PLCL2: variants seen among roughly 807,000 people sequenced by gnomAD.
PLCL2 encodes the protein phospholipase C like 2, also known as inactive phospholipase C-like protein 2.
In PLCL2, 4 loss-of-function variants were observed where a neutral mutation model predicts 79.6. The observed-to-expected ratio is 0.05, with a 90% CI of 0.02 to 0.11. PLCL2 has a LOEUF of 0.11. Among genes scored for constraint, PLCL2 ranks in the 10% least tolerant of loss-of-function variants. PLCL2 has a pLI of 1.00. For synonymous variants in PLCL2, 484 were observed against 457.7 expected (o/e 1.06, Z -0.73); for missense variants, 895 against 1,291.0 (o/e 0.69, Z 4.70).
chr3:17,070,273 AG>A (rs1307562543), intron 5 of PLCL2, among the ~76,000 whole-genome samples: 1 of 152,218 alleles, frequency 6.6e-6, no homozygotes, highest in African/African-American at 2.4e-5. Flanking sequence ...AAGTTTGAGA[AG>A]CACTGGGCTG....
chr3:17,026,173 A>G (rs2064515306), intron 3 of PLCL2, among the ~76,000 whole-genome samples: 1 of 152,332 alleles, frequency 6.6e-6, no homozygotes, highest in Non-Finnish European at 1.5e-5. Context: ...ATAGCATTTA[A>G]TAATGGTTTT....
At chr3:16,905,165 A>G (rs1183149660) in intron 1 of PLCL2, among the ~76,000 whole-genome samples, 1 of 152,206 alleles carries the variant, frequency 6.6e-6, no homozygotes, top group Non-Finnish European at 1.5e-5. Context: ...CACAGACAGC[A>G]TCAGTGGTGC....
chr3:16,917,052 G>T (rs1001353288), intron 1 of PLCL2, among the ~76,000 whole-genome samples: 2 of 152,136 alleles, frequency 1.3e-5, no homozygotes, highest in African/African-American at 4.8e-5. Context: ...TGCTATAAAA[G>T]GCTCTTCCTT....
chr3:16,967,605 A>C (rs1256353195), intron 1 of PLCL2, among the ~76,000 whole-genome samples: 4 of 151,502 alleles, frequency 2.6e-5, no homozygotes, highest in African/African-American at 9.7e-5. Context: ...CCTACTTTTT[A>C]ATGGGGTTTT....
rs1456187539 is a variant in PLCL2, at chr3:17,009,391, A to C, written c.328-283A>C. Among the ~76,000 whole-genome samples, 2 of 152,034 alleles carry C rather than the reference A, an allele frequency of 1.3e-5. No individual in the cohort carries two copies. On this transcript the variant is annotated intron_variant, in intron 1 of 5. Transcript: ENST00000615277. This position sits in a 1 kb window ranked among gnomAD's most constrained non-coding sequence, Gnocchi z 4.0. ...CCTGCCTTAGCCTCCCAAAGTGCTG[A>C]GTTTATAGGTGTGAACCTCCGTCCC...
chr3:16,960,537 C>T (rs2063745340), intron 1 of PLCL2, among the ~76,000 whole-genome samples: 1 of 151,916 alleles, frequency 6.6e-6, no homozygotes. Context: ...CACCACTTGA[C>T]GTTTGGTAAG....
chr3:16,931,774 T>C (rs1289036666), intron 1 of PLCL2, among the ~76,000 whole-genome samples: 2 of 152,176 alleles, frequency 1.3e-5, no homozygotes. Flanking sequence ...CTTGATGAGA[T>C]GTTGGATATG....
intron 1 of PLCL2, among the ~76,000 whole-genome samples, chr3:16,910,590 C>T (rs1371591925): frequency 6.6e-6 from 1 of 152,068 alleles, no homozygotes; most frequent in East Asian, 1.9e-4. Context: ...TTCACACTAT[C>T]CTGATATTCT....
At chr3:16,938,395 A>T (rs77211835) in intron 1 of PLCL2, among the ~76,000 whole-genome samples, 3,183 of 152,332 alleles carry the variant, frequency 0.021, 55 homozygotes, top group South Asian at 0.043. Context: ...GTTCGGAAAG[A>T]AATACAAGAA....
At chr3:16,932,000 T>C (rs544054131) in intron 1 of PLCL2, among the ~76,000 whole-genome samples, 1 of 152,184 alleles carries the variant, frequency 6.6e-6, no homozygotes, top group Non-Finnish European at 1.5e-5. Flanking sequence ...CATGTGAAGA[T>C]ATAAGGAAAA....
chr3:16,985,044 C>G (rs9985439), intron 1 of PLCL2, among the ~76,000 whole-genome samples: 1 of 152,076 alleles, frequency 6.6e-6, no homozygotes, highest in Non-Finnish European at 1.5e-5. Context: ...AAGTTTCATT[C>G]CCTGATTTCT....
intron 4 of PLCL2, among the ~76,000 whole-genome samples, chr3:17,052,343 T>G (rs993485681): frequency 3.3e-5 from 5 of 151,518 alleles, no homozygotes; most frequent in African/African-American, 1.2e-4. Context: ...AGAAGATAAC[T>G]TGACGGAGAT....
chr3:16,979,833 G>A (rs1244139321), intron 1 of PLCL2, among the ~76,000 whole-genome samples: 7 of 149,550 alleles, frequency 4.7e-5, no homozygotes, highest in Non-Finnish European at 7.4e-5. Context: ...ATCATGGCCC[G>A]TTCTCAATGA....
At chr3:16,982,942 AT>A (rs1258330837) in intron 1 of PLCL2, among the ~76,000 whole-genome samples, 1 of 152,190 alleles carries the variant, frequency 6.6e-6, no homozygotes, top group African/African-American at 2.4e-5. Context: ...ACATTTCTGT[AT>A]TTTATGTAAA....
chr3:17,026,741 C>T (rs951906314), intron 3 of PLCL2, among the ~76,000 whole-genome samples: 2 of 152,038 alleles, frequency 1.3e-5, no homozygotes, highest in African/African-American at 4.8e-5. Flanking sequence ...ATGGTGCATG[C>T]CTTTAGTCCC....
At chr3:17,000,656 G>A (rs896940004) in intron 1 of PLCL2, among the ~76,000 whole-genome samples, 2 of 151,766 alleles carry the variant, frequency 1.3e-5, no homozygotes, top group South Asian at 4.2e-4. Context: ...AAGTTTTTTA[G>A]CTCTCACCTA....
At chr3:16,957,707 G>T (rs774249690) in intron 1 of PLCL2, among the ~76,000 whole-genome samples, 8 of 152,150 alleles carry the variant, frequency 5.3e-5, no homozygotes, top group Non-Finnish European at 8.8e-5. Flanking sequence ...ATGAATCTGG[G>T]TGCTCCTGTA....
At chr3:16,933,901 T>C (rs1697472460) in intron 1 of PLCL2, among the ~76,000 whole-genome samples, 6 of 152,056 alleles carry the variant, frequency 3.9e-5, no homozygotes, top group Admixed American at 3.9e-4. Flanking sequence ...AACCTGTCTC[T>C]ACTAAAAATA....
rs2065257573 is a variant in PLCL2, at chr3:17,090,016, T to A, written c.*104T>A. 1 of 1,431,398 alleles carries A rather than the reference T, an allele frequency of 7.0e-7. No individual in the cohort carries two copies. Among genetic ancestry groups the A allele is most frequent in the Admixed American group, 3.0e-5 (1 of 33,768 alleles). 88.7% of individuals were successfully genotyped at this position (1,431,398 alleles called of 1,614,324 possible). A position where few individuals can be genotyped will look rare whatever the true frequency, so the allele number is the denominator to read the frequency against. On this transcript the variant is annotated 3_prime_UTR_variant, in exon 6 of 6. Coordinates refer to ENST00000615277, the MANE Select transcript of PLCL2 (RefSeq NM_001144382.2). ...ACTAATGAGAATAATATTCGGGATTTTAAAGCACAACTGGAATAGCTAATT... is the reference window on the plus strand; with the variant it reads ...ACTAATGAGAATAATATTCGGGATTATAAAGCACAACTGGAATAGCTAATT...
Sources: allele counts gnomAD v4.1 joint callset (sites outside exome capture counted in the v4.1 genomes callset), GRCh38; gene constraint gnomAD v4.1.1; non-coding constraint Gnocchi (gnomAD v3.1); transcripts MANE v1.5; gene names NCBI Gene and HGNC (gene_info 2026-07-23, HGNC 2026-07-21).